The following THY1 variants were observed in gnomAD, a reference collection of about 807,000 sequenced individuals.
THY1 encodes the protein Thy-1 cell surface antigen.
A neutral mutation model predicts 14.9 loss-of-function variants in THY1; 10 were observed. The ratio of observed to expected loss-of-function variants is 0.67; its 90% CI spans 0.41 to 1.14. THY1 has a LOEUF of 1.14. THY1 is among the 50% of genes most tolerant of loss of function. THY1 has a pLI of 0.00. For missense variants in THY1, 159 were observed against 202.1 expected, an observed-to-expected ratio of 0.79 and a Z score of 1.29; for synonymous variants, 80 against 90.0, an observed-to-expected ratio of 0.89 and a Z score of 0.63.
At position 119,420,071 on chromosome 11, in the gene THY1, T is replaced by C; in HGVS notation, c.353A>G (p.Gln118Arg). 3 of 1,613,626 alleles carry C rather than the reference T, an allele frequency of 1.9e-6. No individual in the cohort carries two copies. The highest frequency in any genetic ancestry group is 2.5e-6 in the Non-Finnish European group (3 of 1,179,708). The change falls in exon 3 of 4, where the codon CAG (glutamine) becomes CGG (arginine). Residue 118 changes from glutamine to arginine, a missense_variant. Coordinates refer to ENST00000284240, the MANE Select transcript of THY1 (RefSeq NM_006288.5). ...CTCACCTCTGAGCACTGTGACGTTC[T>C]GGGAGGAGATGGGTGGGGAATGGCC... ...HSGHSPPISS[Q>R]NVTVLRDKLV...
chr11:119,423,067 T>G (rs1414011024), intron 1 of THY1, 46 bp downstream of exon 1: 1 of 455,920 alleles, frequency 2.2e-6, no homozygotes, highest in South Asian at 1.5e-5. Context: ...CATGGGCGCC[T>G]GACGGCGGTC....
upstream of THY1, chr11:119,423,233 G>A (rs1033485801): frequency 4.5e-6 from 2 of 448,968 alleles, no homozygotes; most frequent in South Asian, 1.6e-5. Context: ...GCGGGGAGCC[G>A]GGGGCTCAGC....
In THY1 at chr11:119,417,145, G is replaced by A. The variant is rs1273914853; in HGVS notation, c.*2263C>T. Among the ~76,000 whole-genome samples, 1 of 152,208 alleles carries A rather than the reference G, an allele frequency of 6.6e-6. No homozygotes were observed. Among genetic ancestry groups the A allele is most frequent in the Non-Finnish European group, 1.5e-5 (1 of 68,030 alleles). On this transcript the variant is annotated 3_prime_UTR_variant, in exon 4 of 4. Coordinates refer to ENST00000284240, the MANE Select transcript of THY1 (RefSeq NM_006288.5). ...CCACAGCAGCTCTTCTCACCAAGAT[G>A]CCTTTCCTTGGCACGGCGCTTGCAG...
At chr11:119,421,038 C>CT (rs1426064158) in intron 1 of THY1, 109 bp from the exon 2 acceptor site, 1 of 930,438 alleles carries the variant, frequency 1.1e-6, no homozygotes. Flanking sequence ...CTAAGTCCCT[C>CT]TCTCCATTCC....
At chr11:119,419,830 C>T in intron 3 of THY1, 1 of 630,002 alleles carries the variant, frequency 1.6e-6, no homozygotes, top group Non-Finnish European at 2.7e-6. Flanking sequence ...AAAGGCCTTG[C>T]CCACAGTTCT....
chr11:119,418,956 G>C lies in THY1; in HGVS notation c.*452C>G. The stretch of plus-strand genomic sequence containing the variant: ...GAGGAGTGCTGTCAGGACAGACCAT[G>C]TCCGTGCTAGGCCCAGGCACAGCCC... On this transcript the variant is annotated 3_prime_UTR_variant, in exon 4 of 4. Coordinates refer to ENST00000284240, the MANE Select transcript of THY1 (RefSeq NM_006288.5). The C allele has an allele frequency of 2.8e-5, 8 of 282,116 alleles. No homozygotes were observed. Among genetic ancestry groups the C allele is most frequent in the Admixed American group, 4.5e-5 (1 of 22,202 alleles). 17.5% of individuals were successfully genotyped at this position (282,116 alleles called of 1,614,324 possible).
intron 1 of THY1, chr11:119,421,241 G>T: frequency 3.8e-6 from 1 of 261,556 alleles, no homozygotes; most frequent in Admixed American, 5.1e-5. Flanking sequence ...ATAGTGTATG[G>T]TAATATAAGA....
At position 119,420,426 on chromosome 11, in the gene THY1, C is replaced by T. The variant is rs779076308; in HGVS notation, c.38-40G>A. ...GCCTCCTTCAAACTGGAGGGGCCTG[C>T]GGCACAGGGGCCTCCCACCCACCTG... On this transcript the variant is annotated intron_variant, in intron 2 of 3. Transcript: ENST00000284240. 59 of 1,543,556 alleles carry T rather than the reference C, an allele frequency of 3.8e-5. No individual in the cohort carries two copies. In the Middle Eastern group the frequency reaches 9.2e-4, roughly 24 times the overall value.
chr11:119,419,009 G>C lies in THY1; in HGVS notation c.*399C>G, dbSNP rs1591357929. On this transcript the variant is annotated 3_prime_UTR_variant, in exon 4 of 4. Coordinates refer to ENST00000284240, the MANE Select transcript of THY1 (RefSeq NM_006288.5). ...CCACTCCTCATCCAAGTCTCTCCCAGGTTTCTGGTCCCGATGGGCAAGGAT... is the reference window on the plus strand; with the variant it reads ...CCACTCCTCATCCAAGTCTCTCCCACGTTTCTGGTCCCGATGGGCAAGGAT... 1 of 325,654 alleles carries C rather than the reference G, an allele frequency of 3.1e-6. No homozygotes were observed. Among genetic ancestry groups the C allele is most frequent in the Non-Finnish European group, 6.0e-6 (1 of 166,034 alleles). The allele number at this position is 325,654 out of a possible 1,614,324, so 20.2% of individuals were successfully genotyped here.
upstream of THY1, chr11:119,423,792 G>C (rs1861963104): frequency 6.5e-6 from 1 of 153,190 alleles, no homozygotes; most frequent in Admixed American, 6.5e-5. Context: ...AGCCCTTCAG[G>C]GGGCTGCAGG....
In THY1 at chr11:119,418,717, G is replaced by A. The variant is rs1438948481; in HGVS notation, c.*691C>T. ...TACCTCCTTCTCCAACCCTCCACTA[G>A]CGCTGCTTTCCTGGTCAAACCTGCA... On this transcript the variant is annotated 3_prime_UTR_variant, in exon 4 of 4. Coordinates refer to ENST00000284240, the MANE Select transcript of THY1 (RefSeq NM_006288.5). 2 of 153,422 alleles carry A rather than the reference G, an allele frequency of 1.3e-5. No individual in the cohort carries two copies. Among genetic ancestry groups the A allele is most frequent in the Non-Finnish European group, 2.9e-5 (2 of 68,970 alleles). The allele number at this position is 153,422 out of a possible 1,614,324, so 9.5% of individuals were successfully genotyped here.
upstream of THY1, chr11:119,423,315 G>A (rs184735627): frequency 4.7e-3 from 1,841 of 392,718 alleles, 30 homozygotes; most frequent in African/African-American, 0.033. Context: ...AGAGAAGGCG[G>A]TCCCGCATTG....
chr11:119,423,801 G>T (rs1474059259), upstream of THY1: 1 of 153,140 alleles, frequency 6.5e-6, no homozygotes, highest in Non-Finnish European at 1.5e-5. Flanking sequence ...GGGGGCTGCA[G>T]GCGCTTTTTG....
rs1861937152 is a variant in THY1 at position 119,422,873 on chromosome 11, C to T, written c.-25+240G>A. 6.6e-6 allele frequency among the ~76,000 whole-genome samples: 1 copy of T among 152,250 alleles called. No homozygotes were observed. Among genetic ancestry groups the T allele is most frequent in the African/African-American group, 2.4e-5 (1 of 41,472 alleles). On this transcript the variant is annotated intron_variant, in intron 1 of 3. Transcript: ENST00000284240. This position sits in a 1 kb window ranked among gnomAD's most constrained non-coding sequence, Gnocchi z 7.0. ...AGCGCCCCAGCCCCAGACACCAGTCCCCCAGCGGGCGAAAGCCCGGGAGCG... is the reference window on the plus strand; with the variant it reads ...AGCGCCCCAGCCCCAGACACCAGTCTCCCAGCGGGCGAAAGCCCGGGAGCG...
chr11:119,420,669 A>G, intron 2 of THY1, 200 bp downstream of exon 2: 3 of 703,224 alleles, frequency 4.3e-6, no homozygotes, highest in Non-Finnish European at 7.2e-6. Context: ...AATAGTGTGA[A>G]GGAGGGCTCA....
At position 119,421,920 on chromosome 11, in the gene THY1, G is replaced by A. The variant is rs567073670; in HGVS notation, c.-24-991C>T. 2.0e-5 allele frequency: 3 copies of A among 152,400 alleles called. No homozygotes were observed. The East Asian group carries it at 5.8e-4, about 29-fold the overall frequency. The allele number at this position is 152,400 out of a possible 1,614,324, so 9.4% of individuals were successfully genotyped here. On this transcript the variant is annotated intron_variant, in intron 1 of 3. Transcript: ENST00000284240. ...CAGCCCAGTTTCAATAGCCACCCTG[G>A]ATAGGCTGTCTGCCTGGTCTTTTTT...
Position 119,419,330 on chromosome 11 carries a change from G to T in THY1, c.*78C>A. 7.7e-7 allele frequency: 1 copy of T among 1,296,310 alleles called. No individual in the cohort carries two copies. The highest frequency in any genetic ancestry group is 2.5e-5 in the East Asian group (1 of 40,786). The allele number at this position is 1,296,310 out of a possible 1,614,324, so 80.3% of individuals were successfully genotyped here. The stretch of plus-strand genomic sequence containing the variant: ...CTCAAGGTTTGAGGGATTGGGGGGA[G>T]GGGGTCAGCTGACTCAGAGAAGTAG... On this transcript the variant is annotated 3_prime_UTR_variant, in exon 4 of 4. Transcript: ENST00000284240.
At chr11:119,423,519 G>C (rs1285908729), upstream of THY1, 1 of 285,366 alleles carries the variant, frequency 3.5e-6, no homozygotes, top group Non-Finnish European at 6.8e-6. Context: ...TTCTTCAGGA[G>C]TCTGTGGGAA....
chr11:119,417,771 C>G lies in THY1; in HGVS notation c.*1637G>C, dbSNP rs1212068659. The G allele has an allele frequency of 6.6e-6, 1 of 152,302 alleles. No homozygotes were observed. The highest frequency in any genetic ancestry group is 6.5e-5 in the Admixed American group (1 of 15,290). The allele number at this position is 152,302 out of a possible 1,614,324, so 9.4% of individuals were successfully genotyped here. ...CTCCCACCCTTCGTGCTCACCCTCG[C>G]AATAGTGGATGTGCCTGGAGGGTAC... On this transcript the variant is annotated 3_prime_UTR_variant, in exon 4 of 4. Transcript: ENST00000284240.
Sources: gnomAD v4.1 joint callset for allele counts (sites outside exome capture counted in the v4.1 genomes callset) on GRCh38, gnomAD v4.1.1 for gene constraint, Gnocchi (gnomAD v3.1) non-coding constraint, MANE v1.5 for transcripts, NCBI Gene and HGNC (gene_info 2026-07-23, HGNC 2026-07-21) for gene names.